The following PLCB2 variants were observed in gnomAD, a reference collection of about 807,000 sequenced individuals.
The protein encoded by PLCB2 is phospholipase C beta 2.
PLCB2 carries 115 observed loss-of-function variants against 141.7 expected under a neutral mutation model. The observed-to-expected ratio is 0.81, with a 90% CI of 0.70 to 0.95. PLCB2 has a LOEUF of 0.95. PLCB2 is among the 40% of genes least tolerant of loss of function. The pLI is 0.00. For missense variants in PLCB2, 1,403 were observed against 1,541.1 expected (o/e 0.91, Z 1.50); for synonymous variants, 603 against 595.6 (o/e 1.01, Z -0.18).
chr15:40,295,841 G>A (rs1340659549), intron 16 of PLCB2, among the ~76,000 whole-genome samples: 3 of 152,164 alleles, frequency 2.0e-5, no homozygotes, highest in African/African-American at 7.2e-5. Flanking sequence ...CAGAGAGTGA[G>A]AGCAACGTAC....
rs1295347353 is a variant in PLCB2 at position 40,290,810 on chromosome 15, T to C, written c.3064A>G (p.Arg1022Gly). ...TTCAGCTCTGCCGCCTGTTTCTCTCTGGCCAGCTCCATCATTTTGGAGATT... is the reference window on the plus strand; with the variant it reads ...TTCAGCTCTGCCGCCTGTTTCTCTCCGGCCAGCTCCATCATTTTGGAGATT... ...EQISKMMELA[R>G]EKQAAELKAL... is the part of the protein sequence containing the mutation. Residue 1022 changes from arginine to glycine, a missense_variant, in exon 28 of 32, where the codon AGA becomes GGA. Around this residue, in one of 4 missense-constraint regions of PLCB2, gnomAD observed 290 missense variants for 245.9 expected, o/e 1.18. Coordinates refer to ENST00000260402, the MANE Select transcript of PLCB2 (RefSeq NM_004573.3). 6.2e-7 allele frequency: 1 copy of C among 1,610,958 alleles called. No individual in the cohort carries two copies. The highest frequency in any genetic ancestry group is 8.5e-7 in the Non-Finnish European group (1 of 1,178,946).
In PLCB2 at chr15:40,298,685, C is replaced by T. The variant is rs1323492462; in HGVS notation, c.874G>A (p.Val292Ile). The change falls in exon 10 of 32, where the codon GTC becomes ATC. Residue 292 changes from valine to isoleucine, a missense_variant. Transcript: ENST00000260402. ...TTCTCTGGCCCACAGAGAAACCAGA[C>T]CATGCCTTCAGGTGACAGCTGGCCT... ...QRGQLSPEGM[V>I]WFLCGPENSV... 1.2e-6 allele frequency: 2 copies of T among 1,614,194 alleles called. No homozygotes were observed. Among genetic ancestry groups the T allele is most frequent in the Non-Finnish European group, 1.7e-6 (2 of 1,180,030 alleles).
Position 40,293,577 on chromosome 15 carries a change from G to T in PLCB2, c.2209C>A (p.Pro737Thr). 6.2e-7 allele frequency: 1 copy of T among 1,613,758 alleles called. No individual in the cohort carries two copies. The highest frequency in any genetic ancestry group is 8.5e-7 in the Non-Finnish European group (1 of 1,179,730). Residue 737 changes from proline to threonine, a missense_variant, in exon 20 of 32, where the codon CCC (proline) becomes ACC (threonine). Pro to Thr is a conservative substitution (Grantham distance 38, BLOSUM62 -1). Transcript: ENST00000260402. The stretch of plus-strand genomic sequence containing the variant: ...GCCCCCACCTTCTCAAAGACAAAGG[G>T]CTCCTCCTTCCAGACAGGATTGATG... The part of the protein sequence containing the change: ...NSINPVWKEE[P>T]FVFEKILMPE...
At chr15:40,294,122 C>T in intron 19 of PLCB2, 144 bp downstream of exon 19, 3 of 790,236 alleles carry the variant, frequency 3.8e-6, no homozygotes, top group Non-Finnish European at 6.1e-6. Context: ...GTTTCCAAGG[C>T]AACTTGCTAC....
Position 40,292,456 on chromosome 15 carries a change from A to G in PLCB2, c.2327-13T>C. ...AGGTGGTGGTACCCTGTGAGACAGG[A>G]CAGGGTAGGCAGTGAGCCAGAGCCC... On this transcript the variant is annotated splice_polypyrimidine_tract_variant and intron_variant, in intron 21 of 31. Transcript: ENST00000260402. 2 of 1,597,750 alleles carry G rather than the reference A, an allele frequency of 1.3e-6. No individual in the cohort carries two copies. The highest frequency in any genetic ancestry group is 1.3e-5 in the African/African-American group (1 of 74,746).
intron 9 of PLCB2, 21 bp from the exon 10 acceptor site, chr15:40,298,729 G>C: frequency 6.2e-7 from 1 of 1,613,422 alleles, no homozygotes; most frequent in Admixed American, 1.7e-5. Context: ...GGAGATAGCT[G>C]TCAGGCTACA....
Position 40,288,595 on chromosome 15 carries a change from A to G in PLCB2, c.*120T>C, listed in dbSNP as rs2039674825. On this transcript the variant is annotated 3_prime_UTR_variant, in exon 32 of 32. Transcript: ENST00000260402. ...GTTGAGGAGGGGGCTGCAGCGTCCA[A>G]GGCAGCCACAGGTTCCCACAGCCTC... is the stretch of plus-strand genomic sequence containing the variant. 4.2e-6 allele frequency: 6 copies of G among 1,418,084 alleles called. No individual in the cohort carries two copies. Among genetic ancestry groups the G allele is most frequent in the Non-Finnish European group, 5.5e-6 (6 of 1,088,112 alleles). 87.8% of individuals were successfully genotyped at this position (1,418,084 alleles called of 1,614,324 possible). A position where few individuals can be genotyped will look rare whatever the true frequency, so the allele number is the denominator to read the frequency against.
chr15:40,288,368 C>T lies in PLCB2; in HGVS notation c.*347G>A. 1.9e-6 allele frequency: 2 copies of T among 1,040,358 alleles called. No homozygotes were observed. Among genetic ancestry groups the T allele is most frequent in the Non-Finnish European group, 2.3e-6 (2 of 865,262 alleles). 64.4% of individuals were successfully genotyped at this position (1,040,358 alleles called of 1,614,324 possible). ...CCAGGTGAGGAAACTGAGCCCAGAGCTGGTTGCTCAATAGGAAAGGCAGAG... is the reference window on the plus strand; with the variant it reads ...CCAGGTGAGGAAACTGAGCCCAGAGTTGGTTGCTCAATAGGAAAGGCAGAG... On this transcript the variant is annotated 3_prime_UTR_variant, in exon 32 of 32. Transcript: ENST00000260402.
At chr15:40,300,380 A>G (rs2040444170) in intron 7 of PLCB2, among the ~76,000 whole-genome samples, 1 of 152,236 alleles carries the variant, frequency 6.6e-6, no homozygotes, top group African/African-American at 2.4e-5. Flanking sequence ...GGTTTCTCAA[A>G]TTGTTAAATA....
chr15:40,290,739 T>C (rs2039847019), intron 28 of PLCB2, 22 bp downstream of exon 28: 5 of 1,612,332 alleles, frequency 3.1e-6, no homozygotes, highest in African/African-American at 1.3e-5. Context: ...GCGAAGCAGG[T>C]GTGGGAGGGA....
chr15:40,306,452 A>G (rs926347197), intron 1 of PLCB2, among the ~76,000 whole-genome samples: 1 of 152,164 alleles, frequency 6.6e-6, no homozygotes, highest in Non-Finnish European at 1.5e-5. Flanking sequence ...GTCAGGTTAC[A>G]CACACTGCCC....
At chr15:40,307,217 C>T (rs1175819970) in intron 1 of PLCB2, among the ~76,000 whole-genome samples, 1 of 152,160 alleles carries the variant, frequency 6.6e-6, no homozygotes, top group Non-Finnish European at 1.5e-5. Flanking sequence ...AAGGGCAAGA[C>T]ATCTGTGCTG....
chr15:40,286,850 C>CT (rs2039619191), downstream of PLCB2, among the ~76,000 whole-genome samples: 2 of 152,216 alleles, frequency 1.3e-5, no homozygotes, highest in African/African-American at 4.8e-5. Flanking sequence ...GAGGCCTCTC[C>CT]GGGGGCAGGA....
In PLCB2 at chr15:40,307,847, CTGAG is replaced by C; in HGVS notation, c.-179_-176del. 2.2e-6 allele frequency: 1 copy of C among 455,910 alleles called. No individual in the cohort carries two copies. 28.2% of individuals were successfully genotyped at this position (455,910 alleles called of 1,614,324 possible). On this transcript the variant is annotated 5_prime_UTR_variant, in exon 1 of 32. The change abolishes the stop of an existing upstream ORF in the 5' untranslated region. Coordinates refer to ENST00000260402, the MANE Select transcript of PLCB2 (RefSeq NM_004573.3). The stretch of plus-strand genomic sequence containing the variant: ...GGGGTGGCCCTGGCTGAGTGCAGGA[CTGAG>C]CTGTAGCCAGAGGCCCATCTGCCTT...
intron 10 of PLCB2, 91 bp from the exon 11 acceptor site, chr15:40,298,471 C>A: frequency 6.3e-7 from 1 of 1,598,612 alleles, no homozygotes; most frequent in African/African-American, 1.3e-5. Context: ...CTGTGTTATT[C>A]TCAGGGCCAG....
chr15:40,287,487 A>G (rs1394704579), downstream of PLCB2, among the ~76,000 whole-genome samples: 1 of 152,216 alleles, frequency 6.6e-6, no homozygotes, highest in East Asian at 1.9e-4. Flanking sequence ...AAGCCCCTCC[A>G]CAGCAAGTTT....
Position 40,290,619 on chromosome 15 carries a change from T to C in PLCB2, c.3167A>G (p.Gln1056Arg). 1 of 1,614,196 alleles carries C rather than the reference T, an allele frequency of 6.2e-7. No individual in the cohort carries two copies. ...KLETKRLERIQGMTKVTTDKM... is the reference protein window; with the variant it reads ...KLETKRLERIRGMTKVTTDKM... ...GTCTGTGGTGACTTTGGTCATGCCC[T>C]GGATCCGCTCCAGTCTCTTTGTCTC... Residue 1056 changes from glutamine to arginine, a missense_variant, in exon 29 of 32, where the codon CAG becomes CGG. Gln to Arg is a conservative substitution (Grantham distance 43, BLOSUM62 1). This residue lies in a region of PLCB2 where 290 missense variants were observed against 245.9 expected (regional missense o/e 1.18). Coordinates refer to ENST00000260402, the MANE Select transcript of PLCB2 (RefSeq NM_004573.3).
At chr15:40,295,442 A>G (rs2040156986) in intron 16 of PLCB2, among the ~76,000 whole-genome samples, 157 bp from the exon 17 acceptor site, 1 of 152,074 alleles carries the variant, frequency 6.6e-6, no homozygotes, top group African/African-American at 2.4e-5. Flanking sequence ...CTCTGGGAGA[A>G]GTGTATGAAT....
Position 40,298,674 on chromosome 15 carries a change from G to T in PLCB2, c.885C>A (p.Leu295=). 1 of 1,614,194 alleles carries T rather than the reference G, an allele frequency of 6.2e-7. No homozygotes were observed. Among genetic ancestry groups the T allele is most frequent in the Non-Finnish European group, 8.5e-7 (1 of 1,180,022 alleles). ...CCAGCACGCTGTTCTCTGGCCCACA[G>T]AGAAACCAGACCATGCCTTCAGGTG... ...QLSPEGMVWF[L]CGPENSVLAQ... The change falls in exon 10 of 32, where the codon CTC becomes CTA. Residue 295 remains leucine (L), a synonymous_variant. Coordinates refer to ENST00000260402, the MANE Select transcript of PLCB2 (RefSeq NM_004573.3).
Sources: allele counts gnomAD v4.1 joint callset (sites outside exome capture counted in the v4.1 genomes callset), GRCh38; gene constraint gnomAD v4.1.1; regional missense constraint gnomAD v4.1.1; transcripts MANE v1.5; gene names NCBI Gene and HGNC (gene_info 2026-07-23, HGNC 2026-07-21).